The following NRG1 variants were observed in gnomAD, a reference collection of about 807,000 sequenced individuals.
NRG1 encodes pro-neuregulin-1, membrane-bound isoform.
Under a neutral mutation model 63.8 loss-of-function variants are expected in NRG1, and 18 were observed. The ratio of observed to expected loss-of-function variants is 0.28; its 90% CI spans 0.19 to 0.42. The LOEUF (loss-of-function observed/expected upper bound fraction) is 0.42, where lower values mean the gene tolerates loss of function less well. Ranked by LOEUF, NRG1 falls within the 10% of genes least tolerant of loss-of-function variation. The probability of loss-of-function intolerance (pLI) is 1.00; values close to 1 mark genes in which losing one functional copy is unlikely to be tolerated. For missense variants in NRG1, 762 were observed against 814.7 expected, an observed-to-expected ratio of 0.94 and a Z score of 0.79; for synonymous variants, 302 against 301.3, an observed-to-expected ratio of 1.00 and a Z score of -0.02.
At chr8:32,411,081 G>A (rs1587463612) in intron 1 of NRG1, among the ~76,000 whole-genome samples, 1 of 152,030 alleles carries the variant, frequency 6.6e-6, no homozygotes, top group Non-Finnish European at 1.5e-5. Flanking sequence ...TCACCAAGTT[G>A]ACCAGGATGG....
In NRG1 at chr8:32,365,019, C is replaced by T. The variant is rs979255390; in HGVS notation, c.38-230809C>T. On this transcript the variant is annotated intron_variant, in intron 1 of 10. Transcript: ENST00000519301. ...TGTTGCCCAGGCTAGAGTGCAGTGGCGTGATCATGGCCCACTGCTGCCTTG... is the reference window on the plus strand; with the variant it reads ...TGTTGCCCAGGCTAGAGTGCAGTGGTGTGATCATGGCCCACTGCTGCCTTG... 9.8e-5 allele frequency among the ~76,000 whole-genome samples: 13 copies of T among 132,890 alleles called. No homozygotes were observed. The South Asian group carries it at 1.2e-3, about 12-fold the overall frequency. 87.2% of individuals were successfully genotyped at this position (132,890 alleles called of 152,430 possible).
Position 31,883,943 on chromosome 8 carries a change from A to T in NRG1, c.37+244512A>T, listed in dbSNP as rs139597090. 2.9e-3 allele frequency among the ~76,000 whole-genome samples: 444 copies of T among 152,164 alleles called. 2 individuals carry two copies. The Middle Eastern group carries it at 0.041, about 14-fold the overall frequency. On this transcript the variant is annotated intron_variant, in intron 1 of 10. Transcript: ENST00000519301. ...GAATATTCTCCCACAGGCATATTTC[A>T]TTTGCCTGTATGCTTGTATTCCTCA...
At chr8:31,755,040 G>T (rs11993157) in intron 1 of NRG1, among the ~76,000 whole-genome samples, 31,722 of 151,944 alleles carry the variant, frequency 0.21, 3,734 homozygotes, top group Middle Eastern at 0.26. Flanking sequence ...TAGTTTTGTA[G>T]TTCCTGGAGT....
intron 1 of NRG1, among the ~76,000 whole-genome samples, chr8:32,084,139 T>C (rs533941415): frequency 6.6e-6 from 1 of 152,338 alleles, no homozygotes; most frequent in South Asian, 2.1e-4. Flanking sequence ...ATTACCCTTA[T>C]AGAAACTAAA....
intron 1 of NRG1, among the ~76,000 whole-genome samples, chr8:31,931,586 A>C (rs2129619966): frequency 6.6e-6 from 1 of 152,340 alleles, no homozygotes; most frequent in Middle Eastern, 3.4e-3. Flanking sequence ...TCTAGAACGT[A>C]TTATGTACTT....
chr8:32,724,085 T>C (rs1394578887), intron 5 of NRG1, among the ~76,000 whole-genome samples: 1 of 152,234 alleles, frequency 6.6e-6, no homozygotes, highest in Non-Finnish European at 1.5e-5. Flanking sequence ...AGTTTCTGCT[T>C]TACCTTATAC....
At chr8:32,436,802 T>TA (rs1347207400) in intron 1 of NRG1, among the ~76,000 whole-genome samples, 3 of 152,140 alleles carry the variant, frequency 2.0e-5, no homozygotes, top group Admixed American at 6.6e-5. Context: ...CTTCATAGTA[T>TA]AAAAAATGGT....
intron 5 of NRG1, among the ~76,000 whole-genome samples, chr8:32,711,219 C>A (rs942657958): frequency 5.3e-5 from 8 of 150,348 alleles, no homozygotes; most frequent in African/African-American, 2.0e-4. Context: ...TTTTTTCAGC[C>A]TCAGTTTTTT....
intron 1 of NRG1, among the ~76,000 whole-genome samples, chr8:31,864,356 C>T (rs1318018888): frequency 6.6e-6 from 1 of 152,282 alleles, no homozygotes; most frequent in Non-Finnish European, 1.5e-5. Context: ...GACATTTATA[C>T]TCACCAACTG....
At chr8:32,059,150 TC>T (rs1362944406) in intron 1 of NRG1, among the ~76,000 whole-genome samples, 1 of 152,088 alleles carries the variant, frequency 6.6e-6, no homozygotes, top group Admixed American at 6.6e-5. Flanking sequence ...AATGTTTTTT[TC>T]CTTATATTTA....
rs374022601 is a variant in NRG1 at position 32,586,689 on chromosome 8, C to T, written c.101-9139C>T. ...TTGGTTCTGCAACTTGTTAGACTTA[C>T]GACATTAAGTTCCCCTATCAGTTTC... On this transcript the variant is annotated intron_variant, in intron 1 of 11. Coordinates refer to ENST00000356819, the Ensembl canonical transcript of NRG1. 3.2e-3 allele frequency among the ~76,000 whole-genome samples: 484 copies of T among 152,236 alleles called. 2 individuals are homozygous for T. Among genetic ancestry groups the T allele is most frequent in the African/African-American group, 0.011 (469 of 41,532 alleles).
At chr8:31,853,013 G>A (rs1464803409) in intron 1 of NRG1, among the ~76,000 whole-genome samples, 1 of 151,816 alleles carries the variant, frequency 6.6e-6, no homozygotes, top group Non-Finnish European at 1.5e-5. Context: ...GGTTACTGTA[G>A]CCTTGTAGTA....
intron 1 of NRG1, among the ~76,000 whole-genome samples, chr8:32,593,854 C>CAAAAAAAAAAAAAAAAAAAAAAAAAAAA (rs11444147): frequency 1.0e-5 from 1 of 97,074 alleles, no homozygotes; most frequent in Non-Finnish European, 2.1e-5. Flanking sequence ...TTCAAGGTGT[C>CAAAAAAAAAAAAAAAAAAAAAAAAAAAA]AAAAAAAAAA....
chr8:32,647,839 C>T lies in NRG1; in HGVS notation c.502+30954C>T, dbSNP rs1411475925. The stretch of plus-strand genomic sequence containing the variant: ...CCGGCAGCAGAAGACATGCCAGAGC[C>T]CCAGACTGAAGATGGGAGAACCCCT... On this transcript the variant is annotated intron_variant, in intron 5 of 11. Transcript: ENST00000356819. The T allele has an allele frequency of 2.5e-6, 4 of 1,613,974 alleles. No homozygotes were observed. The African/African-American group carries it at 4.0e-5, about 16-fold the overall frequency.
rs983836091 is a variant in NRG1, at chr8:31,952,276, G to A, written c.37+312845G>A. Among the ~76,000 whole-genome samples, 4 of 152,318 alleles carry A rather than the reference G, an allele frequency of 2.6e-5. No homozygotes were observed. In the East Asian group the frequency reaches 5.8e-4, roughly 22 times the overall value. ...ATGAAGGTGCCATGGGGACAGATGGGCGTGTAAAGAACTTATTACAAATCA... is the reference window on the plus strand; with the variant it reads ...ATGAAGGTGCCATGGGGACAGATGGACGTGTAAAGAACTTATTACAAATCA... On this transcript the variant is annotated intron_variant, in intron 1 of 10. Transcript: ENST00000519301.
At chr8:31,812,431 G>C (rs1017093833) in intron 1 of NRG1, among the ~76,000 whole-genome samples, 2 of 152,142 alleles carry the variant, frequency 1.3e-5, no homozygotes. Flanking sequence ...AGATTAGACA[G>C]TCTCACAACA....
At chr8:31,653,316 A>C (rs751120666) in intron 1 of NRG1, among the ~76,000 whole-genome samples, 7 of 152,024 alleles carry the variant, frequency 4.6e-5, no homozygotes, top group Non-Finnish European at 7.4e-5. Context: ...TTCCTCATGG[A>C]AGATGTATTA....
At chr8:32,412,111 A>C (rs1563427602) in intron 1 of NRG1, among the ~76,000 whole-genome samples, 1 of 152,104 alleles carries the variant, frequency 6.6e-6, no homozygotes, top group Non-Finnish European at 1.5e-5. Flanking sequence ...ATAGAACAAA[A>C]AGGCTGAGTA....
At chr8:32,304,336 G>C (rs1855955205) in intron 1 of NRG1, among the ~76,000 whole-genome samples, 1 of 152,196 alleles carries the variant, frequency 6.6e-6, no homozygotes, top group Non-Finnish European at 1.5e-5. Context: ...ATCTGCAAAG[G>C]CAAGGGAGAA....
Sources: gnomAD v4.1 joint callset for allele counts (sites outside exome capture counted in the v4.1 genomes callset) on GRCh38, gnomAD v4.1.1 for gene constraint, MANE v1.5 for transcripts, NCBI Gene and HGNC (gene_info 2026-07-23, HGNC 2026-07-21) for gene names.